The following FOCAD variants were observed in gnomAD, a reference collection of about 807,000 sequenced individuals.
The protein encoded by FOCAD is KIAA1797.
A neutral mutation model predicts 225.6 loss-of-function variants in FOCAD; 198 were observed. That is an observed-to-expected ratio of 0.88 (90% CI 0.78 to 0.99). The LOEUF is 0.99. Among genes scored for constraint, FOCAD ranks in the 50% least tolerant of loss-of-function variants. The pLI, the probability that FOCAD is intolerant of heterozygous loss-of-function variation, is 0.00. For synonymous variants in FOCAD, 897 were observed against 755.0 expected (o/e 1.19, Z -3.08); for missense variants, 2,713 against 2,123.6 (o/e 1.28, Z -5.46).
At chr9:20,944,504 C>A in intron 28 of FOCAD, 123 bp from the exon 29 acceptor site, 1 of 1,022,136 alleles carries the variant, frequency 9.8e-7, no homozygotes, top group Non-Finnish European at 1.5e-6. Flanking sequence ...ATCTACTAGG[C>A]AGCAGAATTT....
In FOCAD at chr9:20,946,664, C is replaced by T. The variant is rs759853242; in HGVS notation, c.3556-37C>T. ...TAAACCGAGTTCTTTTATTTTTCCT[C>T]CTGAAGACATATTTTTCTGCTGTAT... On this transcript the variant is annotated intron_variant, in intron 29 of 43. Transcript: ENST00000338382. The T allele has an allele frequency of 5.7e-6, 9 of 1,586,998 alleles. No individual in the cohort carries two copies. The South Asian group carries it at 5.7e-5, about 10-fold the overall frequency.
At chr9:20,814,987 A>G (rs1823510564) in intron 11 of FOCAD, among the ~76,000 whole-genome samples, 2 of 151,756 alleles carry the variant, frequency 1.3e-5, no homozygotes, top group South Asian at 2.1e-4. Flanking sequence ...TTATATTTCC[A>G]TATGCTCTCA....
At position 20,978,423 on chromosome 9, in the gene FOCAD, G is replaced by C. The variant is rs752759617; in HGVS notation, c.4346G>C (p.Trp1449Ser). 1 of 1,611,650 alleles carries C rather than the reference G, an allele frequency of 6.2e-7. No individual in the cohort carries two copies. The change falls in exon 37 of 44, where the codon TGG (tryptophan) becomes TCG (serine). Residue 1449 changes from tryptophan (W) to serine (S), a missense_variant. Transcript: ENST00000338382. ...AATGCAGCTGCACTATTGGGCTTGT[G>C]GGTGACACCACCACTGATCCACAGT... ...SQNAAALLGL[W>S]VTPPLIHSLS... is the part of the protein sequence containing the mutation.
At position 20,798,429 on chromosome 9, in the gene FOCAD, C is replaced by T. The variant is rs951227861; in HGVS notation, c.1455+8821C>T. ...ATAGTTTCAGAAGGAATGGTACTAG[C>T]TCCTCCTTGTACCTCTGGTAGAATT... On this transcript the variant is annotated intron_variant, in intron 11 of 43. Coordinates refer to ENST00000338382, the MANE Select transcript of FOCAD (RefSeq NM_001375567.1). Among the ~76,000 whole-genome samples the T allele has an allele frequency of 3.9e-5, 6 of 152,132 alleles. No individual in the cohort carries two copies. The East Asian group carries it at 7.7e-4, about 20-fold the overall frequency.
intron 1 of FOCAD, among the ~76,000 whole-genome samples, chr9:20,687,834 A>C (rs1822755427): frequency 6.6e-6 from 1 of 152,200 alleles, no homozygotes; most frequent in Non-Finnish European, 1.5e-5. Flanking sequence ...TAAACATTAT[A>C]ATTAGTCGTT....
At chr9:20,662,204 A>ATG (rs3086515) in intron 2 of FOCAD, among the ~76,000 whole-genome samples, 2,211 of 151,082 alleles carry the variant, frequency 0.015, 53 homozygotes, top group African/African-American at 0.049. Flanking sequence ...GTGTGCATAT[A>ATG]TGTGTGTGTG....
At chr9:20,896,110 A>G (rs1372632617) in intron 21 of FOCAD, among the ~76,000 whole-genome samples, 1 of 151,854 alleles carries the variant, frequency 6.6e-6, no homozygotes, top group Non-Finnish European at 1.5e-5. Context: ...TTCTGCATCT[A>G]TTGATATGAT....
intron 15 of FOCAD, among the ~76,000 whole-genome samples, chr9:20,826,688 T>G (rs1192092879): frequency 6.6e-6 from 1 of 152,098 alleles, no homozygotes; most frequent in Non-Finnish European, 1.5e-5. Flanking sequence ...TTGTAGGACT[T>G]CATTTTATAT....
intron 11 of FOCAD, among the ~76,000 whole-genome samples, chr9:20,801,181 A>G (rs1246972635): frequency 6.6e-6 from 1 of 152,148 alleles, no homozygotes; most frequent in African/African-American, 2.4e-5. Context: ...TGAACAGTTA[A>G]TGTGACACAG....
At chr9:20,767,660 T>A (rs970042431) in intron 7 of FOCAD, among the ~76,000 whole-genome samples, 5 of 143,224 alleles carry the variant, frequency 3.5e-5, no homozygotes, top group African/African-American at 1.3e-4. Context: ...TCGCCCACTT[T>A]TTGATGGGGT....
intron 11 of FOCAD, among the ~76,000 whole-genome samples, chr9:20,811,626 A>T (rs951482135): frequency 9.2e-5 from 14 of 152,200 alleles, no homozygotes; most frequent in African/African-American, 2.9e-4. Flanking sequence ...GTAAGATTAT[A>T]CTGTTTACCT....
chr9:20,749,480 C>G (rs1343030178), intron 5 of FOCAD, among the ~76,000 whole-genome samples: 1 of 152,034 alleles, frequency 6.6e-6, no homozygotes, highest in African/African-American at 2.4e-5. Flanking sequence ...ATGGTGGAAT[C>G]TTCATAATTT....
intron 4 of FOCAD, among the ~76,000 whole-genome samples, chr9:20,725,832 C>A (rs1276586855): frequency 6.6e-6 from 1 of 152,104 alleles, no homozygotes; most frequent in African/African-American, 2.4e-5. Flanking sequence ...CTGTTCTCTT[C>A]AAAGGAATAG....
Position 20,866,917 on chromosome 9 carries a change from T to TTTTTTTTTTTTTTTAAAAAAA in FOCAD, c.2107-12_2107-11insTTTTTTTTTTTTTTAAAAAAA. ...TTTTTTTTTTTTTTTTTTTTTTTTT[T>TTTTTTTTTTTTTTTAAAAAAA]ACCCTATCTAGGACCCAATTGTAGC... On this transcript the variant is annotated splice_polypyrimidine_tract_variant and intron_variant, in intron 17 of 43. Coordinates refer to ENST00000338382, the MANE Select transcript of FOCAD (RefSeq NM_001375567.1). 2 of 764,972 alleles carry TTTTTTTTTTTTTTTAAAAAAA rather than the reference T, an allele frequency of 2.6e-6. No homozygotes were observed. Among genetic ancestry groups the TTTTTTTTTTTTTTTAAAAAAA allele is most frequent in the Non-Finnish European group, 4.0e-6 (2 of 498,468 alleles). The allele number at this position is 764,972 out of a possible 1,614,324, so 47.4% of individuals were successfully genotyped here.
At chr9:20,870,539 G>A (rs1829668262) in intron 18 of FOCAD, among the ~76,000 whole-genome samples, 1 of 152,180 alleles carries the variant, frequency 6.6e-6, no homozygotes, top group Non-Finnish European at 1.5e-5. Context: ...ATACATATTA[G>A]GTAGAAATGG....
chr9:20,658,136 C>T (rs1379600951), upstream of FOCAD, among the ~76,000 whole-genome samples: 2 of 151,436 alleles, frequency 1.3e-5, no homozygotes, highest in Admixed American at 1.3e-4. Context: ...TCTGCCCGTT[C>T]TCAGATCTCC....
At chr9:20,987,575 C>T (rs757743585) in intron 40 of FOCAD, among the ~76,000 whole-genome samples, 5 of 151,852 alleles carry the variant, frequency 3.3e-5, no homozygotes, top group Non-Finnish European at 5.9e-5. Context: ...TTTATATCTG[C>T]ATTTGTGCCT....
chr9:20,965,199 A>G (rs1028359904), intron 35 of FOCAD, among the ~76,000 whole-genome samples: 6 of 152,154 alleles, frequency 3.9e-5, no homozygotes, highest in African/African-American at 1.2e-4. Context: ...TGGCTTTTAG[A>G]TGGCCATTAG....
In FOCAD at chr9:20,782,627, T is replaced by C. The variant is rs140891542; in HGVS notation, c.1197+698T>C. On this transcript the variant is annotated intron_variant, in intron 10 of 43. Transcript: ENST00000338382. ...TTTTGATATTTGAGTTTTGCCTTTA[T>C]CAAAATGAAACATTATTTCCCAGCT... Among the ~76,000 whole-genome samples the C allele has an allele frequency of 4.7e-3, 721 of 152,346 alleles. 7 individuals carry two copies. Among genetic ancestry groups the C allele is most frequent in the Non-Finnish European group, 6.6e-3 (450 of 68,032 alleles).
Sources: allele counts gnomAD v4.1 joint callset (sites outside exome capture counted in the v4.1 genomes callset), GRCh38; gene constraint gnomAD v4.1.1; transcripts MANE v1.5; gene names NCBI Gene and HGNC (gene_info 2026-07-23, HGNC 2026-07-21).